Variants in PTPRD observed in about 807,000 individuals in gnomAD.
The protein encoded by PTPRD is protein tyrosine phosphatase receptor type D.
A neutral mutation model predicts 214.5 loss-of-function variants in PTPRD; 34 were observed. That is an observed-to-expected ratio of 0.16 (90% CI 0.12 to 0.21). The LOEUF (loss-of-function observed/expected upper bound fraction) is 0.21, where lower values mean the gene tolerates loss of function less well. PTPRD is among the 10% of genes least tolerant of loss of function. The pLI, the probability that PTPRD is intolerant of heterozygous loss-of-function variation, is 1.00. For missense variants in PTPRD, 2,545 were observed against 2,398.7 expected (o/e 1.06, Z -1.27); for synonymous variants, 1,128 against 845.7 (o/e 1.33, Z -5.79).
chr9:8,810,189 T>C (rs1261099473), intron 11 of PTPRD, among the ~76,000 whole-genome samples: 50 of 152,206 alleles, frequency 3.3e-4, no homozygotes, highest in Admixed American at 3.3e-3. Flanking sequence ...ATAACTCTAT[T>C]GAATGACTAC....
intron 4 of PTPRD, among the ~76,000 whole-genome samples, chr9:9,942,689 T>A (rs1210875436): frequency 6.6e-6 from 1 of 152,170 alleles, no homozygotes; most frequent in Non-Finnish European, 1.5e-5. Flanking sequence ...ATCAATGCTA[T>A]TTTAATTAGC....
intron 3 of PTPRD, among the ~76,000 whole-genome samples, chr9:10,087,432 G>C (rs537050658): frequency 6.6e-6 from 1 of 151,648 alleles, no homozygotes; most frequent in African/African-American, 2.4e-5. Context: ...ATCTATTGAA[G>C]ATGTGGGCAA....
chr9:10,333,294 G>A (rs2096785056), intron 3 of PTPRD, among the ~76,000 whole-genome samples: 1 of 151,782 alleles, frequency 6.6e-6, no homozygotes, highest in Non-Finnish European at 1.5e-5. Context: ...ACAACCACAG[G>A]AGCCTTTGGT....
chr9:9,006,222 A>C (rs1291242962), intron 11 of PTPRD, among the ~76,000 whole-genome samples: 1 of 151,868 alleles, frequency 6.6e-6, no homozygotes, highest in East Asian at 1.9e-4. Flanking sequence ...GTGATTTTTC[A>C]ACATTAAAGT....
At chr9:8,588,607 A>T (rs2093854340) in intron 14 of PTPRD, among the ~76,000 whole-genome samples, 1 of 152,228 alleles carries the variant, frequency 6.6e-6, no homozygotes. Flanking sequence ...ATCAGAAAAC[A>T]TTTAGGAGAA....
intron 3 of PTPRD, among the ~76,000 whole-genome samples, chr9:10,181,330 T>A (rs1006550094): frequency 1.1e-4 from 17 of 152,224 alleles, no homozygotes; most frequent in African/African-American, 4.1e-4. Context: ...ACGACTAGCG[T>A]ATATGGAATT....
At chr9:8,628,656 G>A (rs1420459785) in intron 14 of PTPRD, among the ~76,000 whole-genome samples, 2 of 151,098 alleles carry the variant, frequency 1.3e-5, no homozygotes, top group East Asian at 1.9e-4. Context: ...GGAAGTTAAC[G>A]TATTTGCTTA....
chr9:8,881,136 C>T (rs1467045869), intron 11 of PTPRD, among the ~76,000 whole-genome samples: 2 of 152,076 alleles, frequency 1.3e-5, no homozygotes, highest in East Asian at 1.9e-4. Context: ...ATACATTCTG[C>T]CTATAATATT....
At chr9:9,898,481 A>G (rs917123705) in intron 5 of PTPRD, among the ~76,000 whole-genome samples, 1 of 152,066 alleles carries the variant, frequency 6.6e-6, no homozygotes, top group Non-Finnish European at 1.5e-5. Context: ...TATTTAACAG[A>G]GAAAGATACC....
intron 5 of PTPRD, among the ~76,000 whole-genome samples, chr9:9,879,397 C>A (rs1253834144): frequency 1.3e-5 from 2 of 152,148 alleles, no homozygotes; most frequent in East Asian, 1.9e-4. Flanking sequence ...TGCCTAAGGG[C>A]AACCTCCCTC....
chr9:10,379,241 G>GTT (rs766875582), intron 2 of PTPRD, among the ~76,000 whole-genome samples: 410 of 148,372 alleles, frequency 2.8e-3, no homozygotes, highest in African/African-American at 3.9e-3. Context: ...AGTTCTAATA[G>GTT]TTTTTTTTGT....
intron 11 of PTPRD, among the ~76,000 whole-genome samples, chr9:9,008,245 T>TTTATTTATTTC (rs1289588309): frequency 1.1e-4 from 2 of 18,874 alleles, no homozygotes; most frequent in Non-Finnish European, 3.2e-4. Context: ...TTATTTATTT[T>TTTATTTATTTC]TGAGACAGAG....
At chr9:8,938,940 G>A (rs868481560) in intron 11 of PTPRD, among the ~76,000 whole-genome samples, 6 of 152,074 alleles carry the variant, frequency 3.9e-5, no homozygotes, top group Non-Finnish European at 7.4e-5. Flanking sequence ...GTTCCATTAC[G>A]TAAAAGCTGT....
intron 5 of PTPRD, among the ~76,000 whole-genome samples, chr9:9,793,377 C>A (rs933403122): frequency 4.6e-5 from 7 of 151,980 alleles, no homozygotes; most frequent in African/African-American, 1.7e-4. Flanking sequence ...AAGTAAAACT[C>A]CTACTTGGTC....
chr9:9,484,134 C>G (rs903956306), intron 8 of PTPRD, among the ~76,000 whole-genome samples: 30 of 151,238 alleles, frequency 2.0e-4, no homozygotes, highest in Non-Finnish European at 1.2e-4. Context: ...TTGATTTAAA[C>G]TAATTATAAT....
chr9:9,391,255 A>T (rs1171063396), intron 9 of PTPRD, among the ~76,000 whole-genome samples: 5 of 152,206 alleles, frequency 3.3e-5, no homozygotes, highest in Non-Finnish European at 7.4e-5. Flanking sequence ...TAATTTGTGT[A>T]GCCAGTTTTC....
intron 9 of PTPRD, among the ~76,000 whole-genome samples, chr9:9,212,687 T>A (rs1422792460): frequency 6.6e-6 from 1 of 152,188 alleles, no homozygotes; most frequent in Non-Finnish European, 1.5e-5. Flanking sequence ...TTCACAGATT[T>A]AATGAGTATG....
chr9:9,776,368 G>A (rs2098798835), intron 5 of PTPRD, among the ~76,000 whole-genome samples: 1 of 151,788 alleles, frequency 6.6e-6, no homozygotes, highest in Non-Finnish European at 1.5e-5. Flanking sequence ...TTGAACTCGT[G>A]TGCCATAACC....
chr9:8,542,230 T>A (rs1225131193), intron 14 of PTPRD, among the ~76,000 whole-genome samples: 1 of 152,208 alleles, frequency 6.6e-6, no homozygotes, highest in African/African-American at 2.4e-5. Context: ...GCATGTGTAC[T>A]GGGAGTGTAT....
Sources: allele counts gnomAD v4.1 joint callset (sites outside exome capture counted in the v4.1 genomes callset), GRCh38; gene constraint gnomAD v4.1.1; transcripts MANE v1.5; gene names NCBI Gene and HGNC (gene_info 2026-07-23, HGNC 2026-07-21).